Variants in SCGN observed in about 807,000 individuals in gnomAD.
SCGN encodes secretagogin, EF-hand calcium binding protein, also known as secretagogin.
SCGN carries 30 observed loss-of-function variants against 39.7 expected under a neutral mutation model. The observed-to-expected ratio is 0.76, with a 90% confidence interval of 0.57 to 1.03. The LOEUF is 1.03. Ranked by LOEUF, SCGN falls within the 50% of genes least tolerant of loss-of-function variation. SCGN has a pLI of 0.00. For missense variants in SCGN, 353 were observed against 349.4 expected, an observed-to-expected ratio of 1.01 and a Z score of -0.08; for synonymous variants, 106 against 114.1, an observed-to-expected ratio of 0.93 and a Z score of 0.45.
chr6:25,669,089 C>A (rs1036834843), intron 4 of SCGN, among the ~76,000 whole-genome samples: 17 of 138,702 alleles, frequency 1.2e-4, no homozygotes, highest in African/African-American at 4.5e-4. Flanking sequence ...CCAGCCTGGG[C>A]GACAGAGCGA....
At chr6:25,669,620 G>C in intron 5 of SCGN, 53 bp downstream of exon 5, 1 of 1,461,106 alleles carries the variant, frequency 6.8e-7, no homozygotes, top group Non-Finnish European at 9.6e-7. Context: ...AATTTGATAT[G>C]TGTGTATCAT....
Position 25,683,102 on chromosome 6 carries a change from G to A in SCGN, c.527+1096G>A, listed in dbSNP as rs551861075. On this transcript the variant is annotated intron_variant, in intron 7 of 10. Coordinates refer to ENST00000377961, the MANE Select transcript of SCGN (RefSeq NM_006998.4). ...CTTGGCTACTTTTTTTAGGACCTTCGTTCTAACTTTGTCCACATTGATATA... is the reference window on the plus strand; with the variant it reads ...CTTGGCTACTTTTTTTAGGACCTTCATTCTAACTTTGTCCACATTGATATA... 4.6e-5 allele frequency among the ~76,000 whole-genome samples: 7 copies of A among 152,208 alleles called. No homozygotes were observed. The South Asian group carries it at 1.0e-3, about 23-fold the overall frequency.
At chr6:25,654,699 A>C (rs1760196004) in intron 2 of SCGN, among the ~76,000 whole-genome samples, 1 of 147,292 alleles carries the variant, frequency 6.8e-6, no homozygotes, top group Non-Finnish European at 1.5e-5. Flanking sequence ...TTTCTTTCCC[A>C]TCTCTCTTTT....
At chr6:25,686,775 C>G (rs1008236116) in intron 7 of SCGN, among the ~76,000 whole-genome samples, 2 of 151,932 alleles carry the variant, frequency 1.3e-5, no homozygotes, top group Admixed American at 6.5e-5. Flanking sequence ...TTGCCAAAAT[C>G]CAAGCTCATG....
intron 6 of SCGN, among the ~76,000 whole-genome samples, chr6:25,673,726 A>G (rs1325073793): frequency 6.6e-6 from 1 of 152,208 alleles, no homozygotes; most frequent in Non-Finnish European, 1.5e-5. Context: ...AAATTGTCCC[A>G]TGGAGACAGG....
At chr6:25,662,699 A>G (rs796144461) in intron 3 of SCGN, among the ~76,000 whole-genome samples, 26 of 152,326 alleles carry the variant, frequency 1.7e-4, no homozygotes, top group African/African-American at 6.3e-4. Flanking sequence ...CTAATAAACT[A>G]AACTCTAGAT....
At chr6:25,656,038 C>T (rs937080434) in intron 2 of SCGN, among the ~76,000 whole-genome samples, 6 of 152,200 alleles carry the variant, frequency 3.9e-5, no homozygotes, top group African/African-American at 1.4e-4. Flanking sequence ...CTCCATGCTA[C>T]CTGGACAACC....
intron 6 of SCGN, chr6:25,678,622 C>A (rs1411449757): frequency 6.6e-6 from 1 of 152,294 alleles, no homozygotes; most frequent in African/African-American, 2.4e-5. Flanking sequence ...TATGGGTATG[C>A]CTGGTGTTCT....
At chr6:25,688,553 G>A (rs995175872) in intron 7 of SCGN, among the ~76,000 whole-genome samples, 1 of 152,070 alleles carries the variant, frequency 6.6e-6, no homozygotes, top group Admixed American at 6.6e-5. Flanking sequence ...TGTAATCCCC[G>A]CACTTTGGGA....
chr6:25,653,473 C>CATAAATTAAGG, intron 2 of SCGN, 21 bp downstream of exon 2: 1 of 1,583,208 alleles, frequency 6.3e-7, no homozygotes, highest in Non-Finnish European at 8.7e-7. Flanking sequence ...GCACACTAAG[C>CATAAATTAAGG]CTTAATTTAT....
chr6:25,699,796 A>G (rs1180479894), intron 10 of SCGN, among the ~76,000 whole-genome samples: 4 of 152,046 alleles, frequency 2.6e-5, no homozygotes, highest in Non-Finnish European at 4.4e-5. Context: ...TGATTGGTCA[A>G]TAGAGCTGAG....
intron 10 of SCGN, among the ~76,000 whole-genome samples, chr6:25,700,660 T>G (rs530997903): frequency 4.7e-4 from 71 of 152,368 alleles, no homozygotes; most frequent in African/African-American, 1.7e-3. Context: ...GCCTTTGAGC[T>G]TGAAGTAAAA....
chr6:25,661,036 G>A (rs1034485015), intron 2 of SCGN, among the ~76,000 whole-genome samples: 2 of 152,064 alleles, frequency 1.3e-5, no homozygotes, highest in African/African-American at 4.8e-5. Flanking sequence ...TGGTTAACTC[G>A]GCAATTACCT....
intron 6 of SCGN, among the ~76,000 whole-genome samples, chr6:25,674,722 C>A (rs1759543254): frequency 6.6e-6 from 1 of 152,140 alleles, no homozygotes; most frequent in Admixed American, 6.5e-5. Flanking sequence ...GCAGAATGAC[C>A]AAACAGAAGA....
intron 4 of SCGN, among the ~76,000 whole-genome samples, chr6:25,666,827 A>T (rs1027792959): frequency 6.6e-6 from 1 of 152,202 alleles, no homozygotes; most frequent in African/African-American, 2.4e-5. Flanking sequence ...GTAGGATTTC[A>T]GGTGATTTTA....
chr6:25,656,035 C>G (rs1373144966), intron 2 of SCGN, among the ~76,000 whole-genome samples: 1 of 152,222 alleles, frequency 6.6e-6, no homozygotes, highest in Non-Finnish European at 1.5e-5. Context: ...GCACTCCATG[C>G]TACCTGGACA....
At chr6:25,660,340 C>T (rs1455344721) in intron 2 of SCGN, among the ~76,000 whole-genome samples, 4 of 152,146 alleles carry the variant, frequency 2.6e-5, no homozygotes, top group African/African-American at 9.7e-5. Context: ...GAAGGCTGGA[C>T]AAAGATGCCT....
chr6:25,689,234 C>T lies in SCGN; in HGVS notation c.573+17C>T. The T allele has an allele frequency of 6.4e-7, 1 of 1,556,046 alleles. No homozygotes were observed. The highest frequency in any genetic ancestry group is 8.8e-7 in the Non-Finnish European group (1 of 1,132,346). On this transcript the variant is annotated intron_variant, in intron 8 of 10. Coordinates refer to ENST00000377961, the MANE Select transcript of SCGN (RefSeq NM_006998.4). ...AAAATGGATGTAAGTAGTGACATTT[C>T]TCTAGATGGGTTTATGTCATTGCTG...
intron 10 of SCGN, among the ~76,000 whole-genome samples, chr6:25,699,312 G>A (rs551584467): frequency 1.3e-5 from 2 of 152,228 alleles, no homozygotes; most frequent in Admixed American, 1.3e-4. Flanking sequence ...AACGGGACTG[G>A]GCACAATGGC....
Sources: gnomAD v4.1 joint callset for allele counts (sites outside exome capture counted in the v4.1 genomes callset) on GRCh38, gnomAD v4.1.1 for gene constraint, MANE v1.5 for transcripts, NCBI Gene and HGNC (gene_info 2026-07-23, HGNC 2026-07-21) for gene names.